The following NTM variants were observed in gnomAD, a reference collection of about 807,000 sequenced individuals.
The protein encoded by NTM is neurotrimin, also known as IgLON family member 2.
A neutral mutation model predicts 42.1 loss-of-function variants in NTM; 13 were observed. The ratio of observed to expected loss-of-function variants is 0.31; its 90% CI spans 0.20 to 0.49. The LOEUF is 0.49. Among genes scored for constraint, NTM ranks in the 20% least tolerant of loss-of-function variants. NTM has a pLI of 0.99. For missense variants in NTM, 373 were observed against 452.8 expected (o/e 0.82, Z 1.60); for synonymous variants, 187 against 179.2 (o/e 1.04, Z -0.35).
intron 4 of NTM, among the ~76,000 whole-genome samples, chr11:132,301,205 G>A (rs2094839083): frequency 6.6e-6 from 1 of 152,220 alleles, no homozygotes; most frequent in South Asian, 2.1e-4. Context: ...GCAGCAGGAA[G>A]AAGAGTGAGT....
chr11:131,680,604 C>G (rs1185501574), intron 1 of NTM, among the ~76,000 whole-genome samples: 5 of 7,516 alleles, frequency 6.7e-4, no homozygotes, highest in East Asian at 5.1e-3. Context: ...TGAGATCATG[C>G]CTGTGTCTGT....
intron 1 of NTM, among the ~76,000 whole-genome samples, chr11:131,477,194 A>G (rs1023346445): frequency 1.3e-5 from 2 of 152,158 alleles, no homozygotes; most frequent in East Asian, 1.9e-4. Context: ...TATCAGTGTG[A>G]TCACAAGCAG....
In NTM at chr11:132,146,200, C is replaced by T; in HGVS notation, c.168-82C>T. The T allele has an allele frequency of 6.4e-7, 1 of 1,554,054 alleles. No individual in the cohort carries two copies. Among genetic ancestry groups the T allele is most frequent in the South Asian group, 1.2e-5 (1 of 81,468 alleles). On this transcript the variant is annotated intron_variant, in intron 2 of 8. Coordinates refer to ENST00000683400, the MANE Select transcript of NTM (RefSeq NM_001352005.2). The surrounding 1 kb of genome is among the most constrained non-coding windows in gnomAD (Gnocchi z 4.5). ...GGGGAAGGGAGAAAGACAAGATATT[C>T]TAGCCTTGCCATGAGGACCTCCCTC...
intron 1 of NTM, among the ~76,000 whole-genome samples, chr11:131,698,761 G>A (rs1013097527): frequency 2.6e-5 from 4 of 152,174 alleles, no homozygotes; most frequent in Non-Finnish European, 5.9e-5. Flanking sequence ...TTCCTTGTTA[G>A]GAGTATTCTT....
At chr11:131,622,710 T>C (rs1292636283) in intron 1 of NTM, among the ~76,000 whole-genome samples, 2 of 152,162 alleles carry the variant, frequency 1.3e-5, no homozygotes, top group East Asian at 1.9e-4. Context: ...TTTTCGGTCA[T>C]GTTCTGTTGC....
chr11:131,370,667 C>T lies in NTM; in HGVS notation c.-140C>T. 1 of 682,186 alleles carries T rather than the reference C, an allele frequency of 1.5e-6. No individual in the cohort carries two copies. The highest frequency in any genetic ancestry group is 2.5e-6 in the Non-Finnish European group (1 of 405,446). 42.3% of individuals were successfully genotyped at this position (682,186 alleles called of 1,614,324 possible). A position where few individuals can be genotyped will look rare whatever the true frequency, so the allele number is the denominator to read the frequency against. On this transcript the variant is annotated 5_prime_UTR_variant, in exon 1 of 9. Coordinates refer to ENST00000683400, the MANE Select transcript of NTM (RefSeq NM_001352005.2). ...AAGTCATACTCTCTCACACCCTCGG[C>T]TTTCTTGTTGTGTCCTTCAGCAAAA...
At chr11:131,598,856 C>CTTTCTTTCTTT (rs1565686659) in intron 1 of NTM, among the ~76,000 whole-genome samples, 1 of 38,214 alleles carries the variant, frequency 2.6e-5, no homozygotes, top group African/African-American at 6.0e-5. Context: ...TTTCTTCCTT[C>CTTTCTTTCTTT]CTTCCTTCCT....
intron 2 of NTM, among the ~76,000 whole-genome samples, chr11:132,024,835 GT>G (rs1426424224): frequency 6.6e-6 from 1 of 152,154 alleles, no homozygotes; most frequent in Non-Finnish European, 1.5e-5. Context: ...GTCAGATTTA[GT>G]TGTTCTCTGT....
chr11:131,735,153 G>A (rs1250497950), intron 1 of NTM, among the ~76,000 whole-genome samples: 1 of 152,166 alleles, frequency 6.6e-6, no homozygotes, highest in Non-Finnish European at 1.5e-5. Flanking sequence ...GGAAAGATGA[G>A]GAAAAGCAAA....
At chr11:131,965,027 A>G (rs1565838720) in intron 2 of NTM, among the ~76,000 whole-genome samples, 1 of 152,110 alleles carries the variant, frequency 6.6e-6, no homozygotes, top group Non-Finnish European at 1.5e-5. Flanking sequence ...TGGGAGGATT[A>G]CGCTGGAACC....
chr11:131,664,879 T>C (rs559673717), intron 1 of NTM, among the ~76,000 whole-genome samples: 48 of 151,284 alleles, frequency 3.2e-4, no homozygotes, highest in African/African-American at 1.1e-3. Flanking sequence ...TGATTGTTAC[T>C]CAGAGAAGCT....
At chr11:132,117,974 T>G (rs1295899956) in intron 2 of NTM, among the ~76,000 whole-genome samples, 1 of 152,234 alleles carries the variant, frequency 6.6e-6, no homozygotes, top group Non-Finnish European at 1.5e-5. Flanking sequence ...TTGGGCTGCC[T>G]TGGGACCAAT....
chr11:131,953,498 T>C (rs542109008), intron 2 of NTM, among the ~76,000 whole-genome samples: 1 of 152,282 alleles, frequency 6.6e-6, no homozygotes, highest in Admixed American at 6.5e-5. Flanking sequence ...AAGTGAAATG[T>C]AGCATTAAAA....
intron 1 of NTM, among the ~76,000 whole-genome samples, chr11:131,820,576 C>A (rs913650035): frequency 6.6e-6 from 1 of 152,170 alleles, no homozygotes; most frequent in Non-Finnish European, 1.5e-5. Flanking sequence ...ACCTGAGAGT[C>A]TTTTCCTGAT....
At chr11:132,214,844 C>T (rs1408590721) in intron 4 of NTM, among the ~76,000 whole-genome samples, 1 of 152,144 alleles carries the variant, frequency 6.6e-6, no homozygotes, top group African/African-American at 2.4e-5. Flanking sequence ...TCAGAATGTA[C>T]CTGTGGATTA....
chr11:131,920,809 A>T (rs1207033024), intron 2 of NTM, among the ~76,000 whole-genome samples: 1 of 152,194 alleles, frequency 6.6e-6, no homozygotes, highest in Non-Finnish European at 1.5e-5. Context: ...ATGGAAAATT[A>T]AAAAAACTAA....
chr11:131,573,113 C>G (rs773591084), intron 1 of NTM, among the ~76,000 whole-genome samples: 1 of 152,134 alleles, frequency 6.6e-6, no homozygotes, highest in African/African-American at 2.4e-5. Context: ...CAGTAGCAGC[C>G]GAAGCCCAGG....
At chr11:132,243,680 G>A (rs1046755493) in intron 4 of NTM, among the ~76,000 whole-genome samples, 11 of 152,180 alleles carry the variant, frequency 7.2e-5, no homozygotes, top group African/African-American at 2.4e-4. Context: ...ATGTACCCAA[G>A]CACCTTATGA....
chr11:131,619,500 A>G (rs1022434803), intron 1 of NTM, among the ~76,000 whole-genome samples: 1 of 152,216 alleles, frequency 6.6e-6, no homozygotes, highest in African/African-American at 2.4e-5. Flanking sequence ...AGAAAGAAAG[A>G]AATTGAAAGT....
Sources: gnomAD v4.1 joint callset for allele counts (sites outside exome capture counted in the v4.1 genomes callset) on GRCh38, gnomAD v4.1.1 for gene constraint, Gnocchi (gnomAD v3.1) non-coding constraint, MANE v1.5 for transcripts, NCBI Gene and HGNC (gene_info 2026-07-23, HGNC 2026-07-21) for gene names.